The following POLN variants were observed in gnomAD, a reference collection of about 807,000 sequenced individuals.
POLN encodes the protein DNA polymerase nu.
Under a neutral mutation model 113.5 loss-of-function variants are expected in POLN, and 108 were observed. The observed-to-expected ratio is 0.95, with a 90% CI of 0.81 to 1.12. POLN has a LOEUF of 1.12. POLN is among the 50% of genes most tolerant of loss of function. The pLI, the probability that POLN is intolerant of heterozygous loss-of-function variation, is 0.00. For missense variants in POLN, 1,097 were observed against 1,077.1 expected (o/e 1.02, Z -0.26); for synonymous variants, 386 against 391.5 (o/e 0.99, Z 0.17).
At chr4:2,216,636 A>T (rs1255542600) in intron 3 of POLN, among the ~76,000 whole-genome samples, 1 of 152,052 alleles carries the variant, frequency 6.6e-6, no homozygotes, top group Non-Finnish European at 1.5e-5. Flanking sequence ...TGGATCAAAC[A>T]CTCTGTGAAA....
At chr4:2,204,536 A>G (rs1256386579) in intron 5 of POLN, among the ~76,000 whole-genome samples, 1 of 152,250 alleles carries the variant, frequency 6.6e-6, no homozygotes, top group Non-Finnish European at 1.5e-5. Flanking sequence ...TACTGATCCT[A>G]TTGACACTAT....
chr4:2,209,944 G>C (rs1468902754), intron 4 of POLN, among the ~76,000 whole-genome samples: 4 of 149,438 alleles, frequency 2.7e-5, no homozygotes, highest in African/African-American at 4.9e-5. Flanking sequence ...TTACAGGTGT[G>C]AGCCAACATA....
intron 16 of POLN, among the ~76,000 whole-genome samples, chr4:2,138,350 T>C (rs1384436424): frequency 6.6e-6 from 1 of 152,100 alleles, no homozygotes; most frequent in Non-Finnish European, 1.5e-5. Flanking sequence ...CTGGAGACTT[T>C]AGGGATTGGA....
At position 2,176,091 on chromosome 4, in the gene POLN, A is replaced by G. The variant is rs1410409711; in HGVS notation, c.1248+175T>C. 2.6e-5 allele frequency among the ~76,000 whole-genome samples: 4 copies of G among 152,236 alleles called. No homozygotes were observed. In the East Asian group the frequency reaches 7.7e-4, roughly 29 times the overall value. On this transcript the variant is annotated intron_variant, in intron 9 of 25. Coordinates refer to ENST00000511885, the MANE Select transcript of POLN (RefSeq NM_181808.4). ...TCAACCTACAGAAAGCATTTTTAAA[A>G]CTTCAGTTCTTATCATTCTAGACAA...
chr4:2,130,293 AG>A (rs1731692551), intron 17 of POLN, among the ~76,000 whole-genome samples: 1 of 15,570 alleles, frequency 6.4e-5, no homozygotes, highest in Non-Finnish European at 1.3e-4. Flanking sequence ...AGGGGAGGAG[AG>A]GGGAGGGGAG....
At chr4:2,182,457 C>T (rs1049206910) in intron 7 of POLN, among the ~76,000 whole-genome samples, 3 of 152,112 alleles carry the variant, frequency 2.0e-5, no homozygotes, top group Non-Finnish European at 4.4e-5. Flanking sequence ...AAAAGGACTT[C>T]CAGCCACCAC....
In POLN at chr4:2,195,387, T is replaced by A. The variant is rs533874377; in HGVS notation, c.909-2071A>T. 2.0e-5 allele frequency among the ~76,000 whole-genome samples: 3 copies of A among 151,958 alleles called. No homozygotes were observed. In the South Asian group the frequency reaches 6.2e-4, roughly 32 times the overall value. The stretch of plus-strand genomic sequence containing the variant: ...ACACACTACTGAACACAAATGAAAG[T>A]CATGTGGTGGGGTTGGCAGTGGGGT... On this transcript the variant is annotated intron_variant, in intron 6 of 25. Coordinates refer to ENST00000511885, the MANE Select transcript of POLN (RefSeq NM_181808.4).
rs192053099 is a variant in POLN at position 2,089,853 on chromosome 4, C to T, written c.2066-4109G>A. 2.0e-4 allele frequency: 185 copies of T among 919,666 alleles called. No individual in the cohort carries two copies. The African/African-American group carries it at 2.8e-3, about 14-fold the overall frequency. 57.0% of individuals were successfully genotyped at this position (919,666 alleles called of 1,614,324 possible). Reference sequence around the variant, plus strand: ...AATCAGCATCTAGGTTCTTTGAAAGCAGACTTTCCAGACTGTCTGTAGATG... The same window carrying T: ...AATCAGCATCTAGGTTCTTTGAAAGTAGACTTTCCAGACTGTCTGTAGATG... On this transcript the variant is annotated intron_variant, in intron 20 of 25. Transcript: ENST00000511885.
Position 2,159,137 on chromosome 4 carries a change from A to G in POLN, c.1611+18T>C, listed in dbSNP as rs539438319. ...CCTCATCACCTTTTACCTTTTACGT[A>G]CAAAAAAATTAACTTACCTGCCTGT... On this transcript the variant is annotated intron_variant, in intron 14 of 25. Transcript: ENST00000511885. 1.5e-4 allele frequency: 241 copies of G among 1,575,316 alleles called. 3 individuals are homozygous for G. In the Admixed American group the frequency reaches 1.9e-3, roughly 13 times the overall value.
chr4:2,218,117 T>C (rs1046931955), intron 3 of POLN, among the ~76,000 whole-genome samples: 2 of 151,544 alleles, frequency 1.3e-5, no homozygotes, highest in Non-Finnish European at 2.9e-5. Context: ...TAAGACCCAG[T>C]CTCTTGGGGA....
intron 17 of POLN, among the ~76,000 whole-genome samples, chr4:2,129,845 T>A (rs1362632374): frequency 1.3e-5 from 2 of 152,082 alleles, no homozygotes; most frequent in African/African-American, 4.8e-5. Flanking sequence ...ATCTTGAAAC[T>A]CTCTGAGCCT....
intron 19 of POLN, among the ~76,000 whole-genome samples, chr4:2,105,932 C>A (rs1294854238): frequency 2.0e-5 from 3 of 152,100 alleles, no homozygotes; most frequent in African/African-American, 7.2e-5. Flanking sequence ...TATTGCTGAA[C>A]TTGACAGTCA....
chr4:2,181,853 A>G (rs994427932), intron 7 of POLN, among the ~76,000 whole-genome samples: 3 of 152,114 alleles, frequency 2.0e-5, no homozygotes, highest in Admixed American at 6.5e-5. Flanking sequence ...ACAAAAAATT[A>G]GCTGGGTGTG....
At chr4:2,227,120 C>T (rs1302798350) in intron 3 of POLN, among the ~76,000 whole-genome samples, 4 of 152,164 alleles carry the variant, frequency 2.6e-5, no homozygotes, top group African/African-American at 9.7e-5. Flanking sequence ...ACAGAACACA[C>T]CAAAGGCAGC....
chr4:2,241,068 A>C (rs1057071825), intron 2 of POLN: 24 of 707,174 alleles, frequency 3.4e-5, no homozygotes, highest in Non-Finnish European at 5.1e-5. Flanking sequence ...GGGAAAATAT[A>C]TTTTTAGAAT....
chr4:2,080,006 C>A (rs1009415004), intron 23 of POLN: 2 of 985,372 alleles, frequency 2.0e-6, no homozygotes, highest in Admixed American at 6.1e-5. Flanking sequence ...AGTGCTTAGA[C>A]CCCCACGGGA....
chr4:2,186,439 G>A (rs1053724458), intron 7 of POLN, among the ~76,000 whole-genome samples: 8 of 152,120 alleles, frequency 5.3e-5, no homozygotes, highest in Admixed American at 2.0e-4. Context: ...ATGAACTCCC[G>A]GCTAGCCTTC....
At chr4:2,119,596 G>A (rs751435370) in intron 19 of POLN, among the ~76,000 whole-genome samples, 13 of 152,058 alleles carry the variant, frequency 8.5e-5, no homozygotes, top group Non-Finnish European at 1.3e-4. Context: ...AAGCTTAAAG[G>A]TTTTTCAAGG....
At chr4:2,156,887 A>T (rs1440513627) in intron 15 of POLN, 34 bp from the exon 16 acceptor site, 1 of 1,531,962 alleles carries the variant, frequency 6.5e-7, no homozygotes, top group South Asian at 1.1e-5. Context: ...TGTAAACTCC[A>T]GCAATGCTAT....
Sources: allele counts gnomAD v4.1 joint callset (sites outside exome capture counted in the v4.1 genomes callset), GRCh38; gene constraint gnomAD v4.1.1; transcripts MANE v1.5; gene names NCBI Gene and HGNC (gene_info 2026-07-23, HGNC 2026-07-21).